The following CELF2 variants were observed in gnomAD, a reference collection of about 807,000 sequenced individuals.
CELF2 encodes CUG triplet repeat RNA-binding protein 2.
In CELF2, 8 loss-of-function variants were observed where a neutral mutation model predicts 62.6. The observed-to-expected ratio is 0.13, with a 90% CI of 0.07 to 0.23. The LOEUF (loss-of-function observed/expected upper bound fraction) is 0.23, where lower values mean the gene tolerates loss of function less well. Among genes scored for constraint, CELF2 ranks in the 10% least tolerant of loss-of-function variants. The pLI, the probability that CELF2 is intolerant of heterozygous loss-of-function variation, is 1.00. For missense variants in CELF2, 333 were observed against 671.0 expected (o/e 0.50, Z 5.56); for synonymous variants, 258 against 250.0 (o/e 1.03, Z -0.30).
chr10:10,953,666 AT>A (rs1236925220), intron 2 of CELF2, among the ~76,000 whole-genome samples: 1 of 152,190 alleles, frequency 6.6e-6, no homozygotes, highest in African/African-American at 2.4e-5. Flanking sequence ...CCATGGGAGA[AT>A]TCTTTCATGA....
At chr10:10,643,679 C>A in the CELF2 span, among the ~76,000 whole-genome samples, 18 of 152,156 alleles carry the variant, frequency 1.2e-4, no homozygotes, top group Admixed American at 7.2e-4. Context: ...AAAACAACAT[C>A]TAAATATTGA....
At chr10:11,074,137 T>C (rs1245025781) in intron 1 of CELF2, among the ~76,000 whole-genome samples, 2 of 152,216 alleles carry the variant, frequency 1.3e-5, no homozygotes, top group African/African-American at 2.4e-5. Flanking sequence ...ACCTATTTTG[T>C]TGCTTTTTTG....
chr10:10,914,941 C>A (rs1448812056), intron 1 of CELF2, among the ~76,000 whole-genome samples: 1 of 151,776 alleles, frequency 6.6e-6, no homozygotes, highest in East Asian at 1.9e-4. Flanking sequence ...CCAGCCTGAC[C>A]AACATGGTGA....
At chr10:11,189,557 C>G (rs911239631) in intron 2 of CELF2, among the ~76,000 whole-genome samples, 1 of 152,170 alleles carries the variant, frequency 6.6e-6, no homozygotes, top group African/African-American at 2.4e-5. Flanking sequence ...CAGCTCATTC[C>G]TCTTTGCTAC....
At chr10:10,473,275 G>T in the CELF2 span, among the ~76,000 whole-genome samples, 1 of 151,952 alleles carries the variant, frequency 6.6e-6, no homozygotes, top group East Asian at 1.9e-4. Flanking sequence ...AGAGACCAGA[G>T]TTACATGCCA....
intron 2 of CELF2, among the ~76,000 whole-genome samples, chr10:11,198,856 GT>G: frequency 6.6e-6 from 1 of 152,338 alleles, no homozygotes; most frequent in Middle Eastern, 3.4e-3. Flanking sequence ...TGTTAGTGAT[GT>G]TTTGAGGAAA....
At chr10:11,323,633 A>G (rs1259344311) in intron 11 of CELF2, among the ~76,000 whole-genome samples, 1 of 152,070 alleles carries the variant, frequency 6.6e-6, no homozygotes, top group African/African-American at 2.4e-5. Flanking sequence ...TTGTTCCTAC[A>G]AACGTCCCCA....
At chr10:10,842,654 G>C (rs1426279260) in intron 1 of CELF2, among the ~76,000 whole-genome samples, 1 of 151,932 alleles carries the variant, frequency 6.6e-6, no homozygotes, top group Non-Finnish European at 1.5e-5. Context: ...CTTGGTCATA[G>C]TGTATAATTT....
the CELF2 span, among the ~76,000 whole-genome samples, chr10:10,750,882 G>C: frequency 1.3e-5 from 2 of 152,186 alleles, no homozygotes; most frequent in Non-Finnish European, 2.9e-5. Flanking sequence ...TGCAGATTGA[G>C]GTCCCTGGAG....
the CELF2 span, among the ~76,000 whole-genome samples, chr10:10,759,848 A>G: frequency 1.3e-5 from 2 of 152,012 alleles, no homozygotes; most frequent in African/African-American, 4.8e-5. Flanking sequence ...TATATTCTTG[A>G]AAAGACGGTG....
At chr10:10,849,059 T>G (rs2059204632) in intron 1 of CELF2, among the ~76,000 whole-genome samples, 1 of 152,108 alleles carries the variant, frequency 6.6e-6, no homozygotes, top group East Asian at 1.9e-4. Flanking sequence ...TTGGCTAATT[T>G]TCTTTATCTT....
At chr10:10,613,879 C>G in the CELF2 span, among the ~76,000 whole-genome samples, 3 of 152,162 alleles carry the variant, frequency 2.0e-5, no homozygotes, top group Non-Finnish European at 4.4e-5. Flanking sequence ...TATTATTCAT[C>G]TTACTGATGT....
chr10:11,282,252 G>C (rs1254612545), intron 8 of CELF2, among the ~76,000 whole-genome samples: 1 of 152,200 alleles, frequency 6.6e-6, no homozygotes, highest in Admixed American at 6.5e-5. Flanking sequence ...AGAAGGAAGA[G>C]GTCAGAACAG....
chr10:10,788,237 G>A, the CELF2 span, among the ~76,000 whole-genome samples: 1 of 151,920 alleles, frequency 6.6e-6, no homozygotes, highest in Non-Finnish European at 1.5e-5. Context: ...GAAGGTCAGA[G>A]GCAAACTTCA....
chr10:11,188,532 T>G (rs1015720584), intron 2 of CELF2, among the ~76,000 whole-genome samples: 43 of 150,446 alleles, frequency 2.9e-4, no homozygotes, highest in African/African-American at 9.4e-4. Context: ...TCTCCTTCTG[T>G]TTTTTTTTCC....
the CELF2 span, among the ~76,000 whole-genome samples, chr10:10,737,016 C>A: frequency 6.6e-6 from 1 of 151,974 alleles, no homozygotes; most frequent in Non-Finnish European, 1.5e-5. Flanking sequence ...AAGATTAATT[C>A]TAAATCTCAG....
the CELF2 span, among the ~76,000 whole-genome samples, chr10:10,552,613 T>C: frequency 6.6e-6 from 1 of 152,148 alleles, no homozygotes; most frequent in Non-Finnish European, 1.5e-5. Flanking sequence ...TGAGTGTTTT[T>C]GTGGGGGGCG....
At chr10:10,876,156 G>A (rs563663606) in intron 1 of CELF2, among the ~76,000 whole-genome samples, 1 of 152,196 alleles carries the variant, frequency 6.6e-6, no homozygotes, top group South Asian at 2.1e-4. Context: ...CTAATCCCAG[G>A]GTTTGTGCAA....
chr10:11,170,720 G>A (rs1180127296), intron 2 of CELF2, among the ~76,000 whole-genome samples: 1 of 152,132 alleles, frequency 6.6e-6, no homozygotes, highest in Non-Finnish European at 1.5e-5. Flanking sequence ...TTCAATGGGA[G>A]AAGTTGGCAG....
Sources: allele counts gnomAD v4.1 joint callset (sites outside exome capture counted in the v4.1 genomes callset), GRCh38; gene constraint gnomAD v4.1.1; transcripts MANE v1.5; gene names NCBI Gene and HGNC (gene_info 2026-07-23, HGNC 2026-07-21).